Variants in MDH1B observed in about 807,000 individuals in gnomAD.
MDH1B encodes malate dehydrogenase 1B.
MDH1B carries 60 observed loss-of-function variants against 61.4 expected under a neutral mutation model. The ratio of observed to expected loss-of-function variants is 0.98; its 90% confidence interval spans 0.79 to 1.21. The LOEUF (loss-of-function observed/expected upper bound fraction) is 1.21, where lower values mean the gene tolerates loss of function less well. Among genes scored for constraint, MDH1B ranks in the 50% most tolerant of loss-of-function variants. The probability of loss-of-function intolerance (pLI) is 0.00; values close to 1 mark genes in which losing one functional copy is unlikely to be tolerated. For missense variants in MDH1B, 587 were observed against 632.1 expected (o/e 0.93, Z 0.76); for synonymous variants, 236 against 218.7 (o/e 1.08, Z -0.70).
In MDH1B at chr2:206,755,288, T is replaced by C. The variant is rs142477083; in HGVS notation, c.631A>G (p.Ile211Val). The C allele has an allele frequency of 6.2e-6, 10 of 1,614,076 alleles. No homozygotes were observed. The African/African-American group carries it at 1.1e-4, about 17-fold the overall frequency. The change falls in exon 5 of 12, where the codon ATT becomes GTT. Residue 211 changes from isoleucine (I) to valine (V), a missense_variant. Physicochemically the swap from Ile to Val is conservative, Grantham distance 29. Coordinates refer to ENST00000374412, the MANE Select transcript of MDH1B (RefSeq NM_001039845.3). ...TTGGTGCTGTCATCCAGCACCACAA[T>C]GACGTGGGCCTGGCGGAAGGCCTCC... ...VEEAFRQAHVIVVLDDSTNKE... is the reference protein window; with the variant it reads ...VEEAFRQAHVVVVLDDSTNKE...
intron 10 of MDH1B, among the ~76,000 whole-genome samples, chr2:206,740,512 T>A (rs535824993): frequency 6.6e-6 from 1 of 152,136 alleles, no homozygotes; most frequent in African/African-American, 2.4e-5. Flanking sequence ...TGGAAGAAAA[T>A]CTGCATAAGT....
intron 6 of MDH1B, among the ~76,000 whole-genome samples, chr2:206,749,801 T>A (rs1394538429): frequency 6.6e-6 from 1 of 152,240 alleles, no homozygotes; most frequent in Non-Finnish European, 1.5e-5. Context: ...AGGTGCCGAA[T>A]GTAGAATTTT....
chr2:206,741,171 G>A (rs1687787986), intron 9 of MDH1B, 67 bp from the exon 10 acceptor site: 2 of 1,596,030 alleles, frequency 1.3e-6, no homozygotes, highest in African/African-American at 1.3e-5. Context: ...TAGGTCATGA[G>A]ATGTTCTGAG....
intron 5 of MDH1B, 66 bp from the exon 6 acceptor site, chr2:206,751,141 C>G (rs1356620093): frequency 1.1e-5 from 13 of 1,223,916 alleles, no homozygotes; most frequent in Non-Finnish European, 1.4e-5. Flanking sequence ...TTGCCTGAAG[C>G]CTATTTTTTG....
Position 206,765,237 on chromosome 2 carries a change from G to A in MDH1B, c.22+13C>T, listed in dbSNP as rs1355567287. ...TTTTGAGCAATCTGCGGGCGGACGC[G>A]GGGATCACTCACCCGCGATGACGAA... On this transcript the variant is annotated intron_variant, in intron 1 of 11. Transcript: ENST00000374412. 2 of 1,601,470 alleles carry A rather than the reference G, an allele frequency of 1.2e-6. No homozygotes were observed. Among genetic ancestry groups the A allele is most frequent in the Admixed American group, 3.5e-5 (2 of 56,380 alleles).
chr2:206,740,210 C>T (rs1395893571), intron 10 of MDH1B, among the ~76,000 whole-genome samples: 1 of 152,102 alleles, frequency 6.6e-6, no homozygotes, highest in Non-Finnish European at 1.5e-5. Context: ...TTTGACTCCC[C>T]CAAAACTTAA....
At chr2:206,747,827 T>C (rs910163281) in intron 7 of MDH1B, among the ~76,000 whole-genome samples, 4 of 118,010 alleles carry the variant, frequency 3.4e-5, no homozygotes, top group African/African-American at 1.3e-4. Context: ...GTTCTACTTA[T>C]AACATAAAGA....
In MDH1B at chr2:206,741,045, C is replaced by T. The variant is rs1687779312; in HGVS notation, c.1459+9G>A. 6.2e-7 allele frequency: 1 copy of T among 1,613,032 alleles called. No homozygotes were observed. The highest frequency in any genetic ancestry group is 1.3e-5 in the African/African-American group (1 of 74,892). ...AATATAGACATTGTTTATAACCCCA[C>T]TGACTTACCATCTGACATAGCTAGA... On this transcript the variant is annotated intron_variant, in intron 10 of 11. Coordinates refer to ENST00000374412, the MANE Select transcript of MDH1B (RefSeq NM_001039845.3).
At chr2:206,760,230 A>G (rs1481377008) in intron 2 of MDH1B, among the ~76,000 whole-genome samples, 1 of 152,180 alleles carries the variant, frequency 6.6e-6, no homozygotes, top group Admixed American at 6.5e-5. Context: ...GTCTGACTCC[A>G]TTCTCTCTCT....
chr2:206,750,030 G>A (rs1280055429), intron 6 of MDH1B, among the ~76,000 whole-genome samples: 2 of 152,140 alleles, frequency 1.3e-5, no homozygotes, highest in South Asian at 2.1e-4. Context: ...TCCTGCCCAC[G>A]CAGCAAATGC....
chr2:206,741,588 C>T (rs1212891031), intron 9 of MDH1B, among the ~76,000 whole-genome samples: 1 of 152,160 alleles, frequency 6.6e-6, no homozygotes, highest in African/African-American at 2.4e-5. Flanking sequence ...CATTGGACTC[C>T]AAGTTTTTCA....
chr2:206,744,947 T>A (rs7594489), intron 9 of MDH1B, among the ~76,000 whole-genome samples: 37,042 of 141,068 alleles, frequency 0.26, 5,914 homozygotes, highest in East Asian at 0.54. Context: ...AATAAATAAA[T>A]AAAATATATA....
At chr2:206,740,771 G>A (rs1687762999) in intron 10 of MDH1B, among the ~76,000 whole-genome samples, 1 of 152,118 alleles carries the variant, frequency 6.6e-6, no homozygotes, top group Non-Finnish European at 1.5e-5. Context: ...GAATTGAGAA[G>A]AAAAGGGAAA....
chr2:206,742,112 C>T (rs1404521579), intron 9 of MDH1B, among the ~76,000 whole-genome samples: 2 of 152,168 alleles, frequency 1.3e-5, no homozygotes, highest in East Asian at 1.9e-4. Flanking sequence ...ATGATGAACT[C>T]AGAGATTCTG....
intron 1 of MDH1B, among the ~76,000 whole-genome samples, chr2:206,762,919 C>A (rs553107187): frequency 6.6e-6 from 1 of 152,164 alleles, no homozygotes; most frequent in Non-Finnish European, 1.5e-5. Flanking sequence ...GGTTTCCATT[C>A]CTTTATCAAC....
At chr2:206,757,639 A>G (rs1328989982) in intron 2 of MDH1B, among the ~76,000 whole-genome samples, 1 of 152,216 alleles carries the variant, frequency 6.6e-6, no homozygotes, top group African/African-American at 2.4e-5. Context: ...GAGACCTGGA[A>G]TCCAAGTGTT....
intron 5 of MDH1B, among the ~76,000 whole-genome samples, chr2:206,754,739 C>T (rs114031213): frequency 0.04 from 6,016 of 151,988 alleles, 160 homozygotes; most frequent in Non-Finnish European, 0.059. Flanking sequence ...AAATGGAATA[C>T]GATGTGTCAC....
intron 5 of MDH1B, among the ~76,000 whole-genome samples, chr2:206,753,279 C>T (rs1011873858): frequency 2.0e-5 from 3 of 152,192 alleles, no homozygotes; most frequent in Admixed American, 2.0e-4. Context: ...AAGTTCTCTA[C>T]TTGACTTCAA....
At chr2:206,745,994 A>G (rs1469579967) in intron 8 of MDH1B, among the ~76,000 whole-genome samples, 5 of 152,142 alleles carry the variant, frequency 3.3e-5, no homozygotes, top group African/African-American at 1.2e-4. Context: ...TCGACCTCCC[A>G]AAGTATTACA....
Sources: gnomAD v4.1 joint callset for allele counts (sites outside exome capture counted in the v4.1 genomes callset) on GRCh38, gnomAD v4.1.1 for gene constraint, MANE v1.5 for transcripts, NCBI Gene and HGNC (gene_info 2026-07-23, HGNC 2026-07-21) for gene names.